The following ACAD11 variants were observed in gnomAD, a reference collection of about 807,000 sequenced individuals.
ACAD11 encodes acyl-Coenzyme A dehydrogenase family, member 11.
ACAD11 carries 83 observed loss-of-function variants against 102.2 expected under a neutral mutation model. The observed-to-expected ratio is 0.81, with a 90% CI of 0.68 to 0.97. The LOEUF is 0.97. Among genes scored for constraint, ACAD11 ranks in the 50% least tolerant of loss-of-function variants. The probability of loss-of-function intolerance (pLI) is 0.00; values close to 1 mark genes in which losing one functional copy is unlikely to be tolerated. For synonymous variants in ACAD11, 324 were observed against 319.8 expected (o/e 1.01, Z -0.14); for missense variants, 901 against 951.7 (o/e 0.95, Z 0.70).
At chr3:132,581,640 T>C (rs1484744211) in intron 13 of ACAD11, among the ~76,000 whole-genome samples, 1 of 151,936 alleles carries the variant, frequency 6.6e-6, no homozygotes, top group African/African-American at 2.4e-5. Flanking sequence ...GACATGGCAA[T>C]TAGAAACTCC....
chr3:132,563,549 A>G (rs1051036580), intron 17 of ACAD11, among the ~76,000 whole-genome samples: 3 of 152,190 alleles, frequency 2.0e-5, no homozygotes, highest in Non-Finnish European at 4.4e-5. Flanking sequence ...TGTAAATGGT[A>G]TTTTAAAACT....
At chr3:132,633,387 C>T (rs898204333) in intron 5 of ACAD11, among the ~76,000 whole-genome samples, 12 of 152,060 alleles carry the variant, frequency 7.9e-5, no homozygotes, top group African/African-American at 2.2e-4. Flanking sequence ...TACTGATTTG[C>T]GTATGTTGAA....
At chr3:132,601,294 C>T in intron 13 of ACAD11, 1 of 1,613,926 alleles carries the variant, frequency 6.2e-7, no homozygotes, top group Non-Finnish European at 8.5e-7. Flanking sequence ...GCTGCCTCAA[C>T]CCAATCCTTT....
chr3:132,609,364 A>T (rs189616741), intron 11 of ACAD11, among the ~76,000 whole-genome samples: 1 of 152,154 alleles, frequency 6.6e-6, no homozygotes, highest in Admixed American at 6.5e-5. Flanking sequence ...TGTTTTTTTG[A>T]AAAGGTTAAC....
intron 13 of ACAD11, among the ~76,000 whole-genome samples, chr3:132,589,384 G>C (rs1350282869): frequency 6.6e-6 from 1 of 152,130 alleles, no homozygotes; most frequent in Non-Finnish European, 1.5e-5. Flanking sequence ...TGCTCAGTTG[G>C]GGTAATCTTT....
intron 17 of ACAD11, among the ~76,000 whole-genome samples, chr3:132,567,097 G>A (rs1308884995): frequency 6.6e-6 from 1 of 152,076 alleles, no homozygotes; most frequent in Non-Finnish European, 1.5e-5. Flanking sequence ...TTGTGCCTCA[G>A]CCTCCCGAAT....
intron 14 of ACAD11, 89 bp downstream of exon 14, chr3:132,579,403 C>A: frequency 9.5e-7 from 1 of 1,049,950 alleles, no homozygotes; most frequent in South Asian, 1.4e-5. Flanking sequence ...ATTTGTGAGT[C>A]CAAACAGTGA....
At chr3:132,626,315 T>C (rs1322399592) in intron 9 of ACAD11, among the ~76,000 whole-genome samples, 1 of 152,050 alleles carries the variant, frequency 6.6e-6, no homozygotes, top group Non-Finnish European at 1.5e-5. Flanking sequence ...CTTGAAATGA[T>C]ATGTAAAATT....
intron 5 of ACAD11, among the ~76,000 whole-genome samples, chr3:132,639,231 T>C (rs1371536579): frequency 6.6e-6 from 1 of 152,222 alleles, no homozygotes; most frequent in South Asian, 2.1e-4. Flanking sequence ...AACAGCATCA[T>C]GCATGTAAAA....
intron 11 of ACAD11, among the ~76,000 whole-genome samples, chr3:132,612,679 C>A (rs536275656): frequency 6.6e-6 from 1 of 152,130 alleles, no homozygotes; most frequent in African/African-American, 2.4e-5. Flanking sequence ...CAATGAGATA[C>A]CATCTCACAC....
At chr3:132,616,223 A>G (rs1424777784) in intron 11 of ACAD11, among the ~76,000 whole-genome samples, 2 of 152,158 alleles carry the variant, frequency 1.3e-5, no homozygotes, top group African/African-American at 4.8e-5. Flanking sequence ...TCTCTGTCCA[A>G]TTTTAAAATT....
chr3:132,610,933 T>C (rs1939107846), intron 11 of ACAD11, among the ~76,000 whole-genome samples: 2 of 152,146 alleles, frequency 1.3e-5, no homozygotes, highest in Non-Finnish European at 2.9e-5. Flanking sequence ...AAGAGAATTT[T>C]AGACCAATAT....
intron 13 of ACAD11, among the ~76,000 whole-genome samples, chr3:132,594,559 G>T (rs1257976300): frequency 6.6e-6 from 1 of 152,204 alleles, no homozygotes; most frequent in Non-Finnish European, 1.5e-5. Flanking sequence ...TGAGGATACA[G>T]CAGGGTATAA....
intron 5 of ACAD11, among the ~76,000 whole-genome samples, chr3:132,639,113 A>C (rs1307869196): frequency 6.6e-6 from 1 of 152,246 alleles, no homozygotes; most frequent in Non-Finnish European, 1.5e-5. Context: ...TAAATTCTTC[A>C]TGAGATAGGG....
At position 132,635,861 on chromosome 3, in the gene ACAD11, A is replaced by G. The variant is rs1302024782; in HGVS notation, c.702+3631T>C. 4.0e-5 allele frequency among the ~76,000 whole-genome samples: 6 copies of G among 151,774 alleles called. 1 individual carries two copies. In the East Asian group the frequency reaches 5.8e-4, roughly 15 times the overall value. On this transcript the variant is annotated intron_variant, in intron 5 of 19. Transcript: ENST00000264990. ...TTATTGTGGTTATATTATACTATAA[A>G]TTTATAATATTATAAGTATTATAAA...
chr3:132,641,479 G>T (rs1347799567), intron 4 of ACAD11, among the ~76,000 whole-genome samples: 1 of 151,956 alleles, frequency 6.6e-6, no homozygotes, highest in Non-Finnish European at 1.5e-5. Context: ...GGGAGGTGGA[G>T]CTTGCAGTGA....
Position 132,576,965 on chromosome 3 carries a change from G to A in ACAD11, c.1825C>T (p.Pro609Ser), listed in dbSNP as rs202078012. 2.9e-5 allele frequency: 46 copies of A among 1,610,322 alleles called. No homozygotes were observed. In the East Asian group the frequency reaches 9.6e-4, roughly 34 times the overall value. Reference sequence around the variant, plus strand: ...TCACCTAGTATTAGATTTGTGGCAGGAACTCGCACTTGATTAAAATGGATC... The same window carrying A: ...TCACCTAGTATTAGATTTGTGGCAGAAACTCGCACTTGATTAAAATGGATC... The part of the protein sequence containing the change: ...FEIHFNQVRV[P>S]ATNLILGEGR... Residue 609 changes from proline (P) to serine (S), a missense_variant, in exon 16 of 20, where the codon CCT becomes TCT. By Grantham distance (74) the Pro-to-Ser change is moderately conservative. Coordinates refer to ENST00000264990, the MANE Select transcript of ACAD11 (RefSeq NM_032169.5).
rs778352467 is a variant in ACAD11, at chr3:132,619,520, T to C, written c.1223A>G (p.Asn408Ser). ...EKEVTEFYVQ[N>S]ENSVDKWGKP... is the part of the protein sequence containing the mutation. Reference sequence around the variant, plus strand: ...TCCCCACTTGTCCACTGAATTTTCATTTTGAACATAGAACTCAGTTACCTC... The same window carrying C: ...TCCCCACTTGTCCACTGAATTTTCACTTTGAACATAGAACTCAGTTACCTC... The change falls in exon 10 of 20, where the codon AAT (asparagine) becomes AGT (serine). Residue 408 changes from asparagine to serine, a missense_variant. Asn to Ser is a conservative substitution (Grantham distance 46, BLOSUM62 1). Transcript: ENST00000264990. 3.4e-5 allele frequency: 54 copies of C among 1,593,228 alleles called. No homozygotes were observed. The highest frequency in any genetic ancestry group is 4.4e-5 in the Non-Finnish European group (51 of 1,171,660).
At chr3:132,652,595 A>G (rs975898260) in intron 1 of ACAD11, among the ~76,000 whole-genome samples, 1 of 152,244 alleles carries the variant, frequency 6.6e-6, no homozygotes, top group East Asian at 1.9e-4. Context: ...ATAACTGGCC[A>G]TAGCTGAAGA....
Sources: allele counts gnomAD v4.1 joint callset (sites outside exome capture counted in the v4.1 genomes callset), GRCh38; gene constraint gnomAD v4.1.1; transcripts MANE v1.5; gene names NCBI Gene and HGNC (gene_info 2026-07-23, HGNC 2026-07-21).